CHD5: variants seen among roughly 807,000 people sequenced by gnomAD.
The protein encoded by CHD5 is ATP-dependent chromatin remodeler CHD5.
CHD5 carries 69 observed loss-of-function variants against 230.3 expected under a neutral mutation model. The observed-to-expected ratio is 0.30, with a 90% CI of 0.25 to 0.37. CHD5 has a LOEUF of 0.37. Ranked by LOEUF, CHD5 falls within the 10% of genes least tolerant of loss-of-function variation. The pLI is 1.00. For synonymous variants in CHD5, 1,064 were observed against 1,065.9 expected, an observed-to-expected ratio of 1.00 and a Z score of 0.03; for missense variants, 1,827 against 2,622.8, an observed-to-expected ratio of 0.70 and a Z score of 6.63.
Position 6,125,948 on chromosome 1 carries a change from C to T in CHD5, c.4079-90G>A, listed in dbSNP as rs1453629357. 4 of 899,868 alleles carry T rather than the reference C, an allele frequency of 4.4e-6. No homozygotes were observed. Among genetic ancestry groups the T allele is most frequent in the Non-Finnish European group, 7.2e-6 (4 of 554,138 alleles). The allele number at this position is 899,868 out of a possible 1,614,324, so 55.7% of individuals were successfully genotyped here. The stretch of plus-strand genomic sequence containing the variant: ...AGCATGCCCAGGGCCACGCCGAGCC[C>T]CTGCACCCCAGCTCCATAAAAAAGC... On this transcript the variant is annotated intron_variant, in intron 26 of 41. Coordinates refer to ENST00000262450, the MANE Select transcript of CHD5 (RefSeq NM_015557.3). The surrounding 1 kb of genome is among the most constrained non-coding windows in gnomAD (Gnocchi z 6.7).
In CHD5 at chr1:6,104,230, T is replaced by G. The variant is rs1666121008; in HGVS notation, c.*1244A>C. The G allele has an allele frequency of 6.6e-6, 1 of 152,052 alleles. No individual in the cohort carries two copies. Among genetic ancestry groups the G allele is most frequent in the Non-Finnish European group, 1.5e-5 (1 of 68,044 alleles). 9.4% of individuals were successfully genotyped at this position (152,052 alleles called of 1,614,324 possible). On this transcript the variant is annotated 3_prime_UTR_variant, in exon 42 of 42. Coordinates refer to ENST00000262450, the MANE Select transcript of CHD5 (RefSeq NM_015557.3). The stretch of plus-strand genomic sequence containing the variant: ...AACAACCCACATGTGGGAAGATGGT[T>G]TTGGGATGTCAGGGCGCTCCTGGCA...
Position 6,104,359 on chromosome 1 carries a change from G to A in CHD5, c.*1115C>T, listed in dbSNP as rs1444450257. 1 of 152,400 alleles carries A rather than the reference G, an allele frequency of 6.6e-6. No homozygotes were observed. The highest frequency in any genetic ancestry group is 1.5e-5 in the Non-Finnish European group (1 of 68,204). The allele number at this position is 152,400 out of a possible 1,614,324, so 9.4% of individuals were successfully genotyped here. A position where few individuals can be genotyped will look rare whatever the true frequency, so the allele number is the denominator to read the frequency against. ...AGAACTCTCCCCACGCCTTCCAAGA[G>A]TGCAGCCTCAGGCAAAAAGCCCCCG... On this transcript the variant is annotated 3_prime_UTR_variant, in exon 42 of 42. Coordinates refer to ENST00000262450, the MANE Select transcript of CHD5 (RefSeq NM_015557.3).
intron 33 of CHD5, among the ~76,000 whole-genome samples, chr1:6,115,554 G>C (rs575146252): frequency 6.6e-6 from 1 of 152,310 alleles, no homozygotes; most frequent in African/African-American, 2.4e-5. Context: ...GTTCACCACT[G>C]CTGGCTTGAA....
In CHD5 at chr1:6,159,315, CA is replaced by C; in HGVS notation, c.387+20del. 1 of 1,551,160 alleles carries C rather than the reference CA, an allele frequency of 6.4e-7. No homozygotes were observed. Among genetic ancestry groups the C allele is most frequent in the Non-Finnish European group, 8.7e-7 (1 of 1,146,696 alleles). ...AAAGGGGGATGTCGCTCTGTCCCCC[CA>C]GCCAGGCCTCCACAGTTACCTTTAA... On this transcript the variant is annotated intron_variant, in intron 3 of 41. Coordinates refer to ENST00000262450, the MANE Select transcript of CHD5 (RefSeq NM_015557.3).
chr1:6,142,518 G>A lies in CHD5; in HGVS notation c.2131C>T (p.Leu711=), dbSNP rs1666843961. ...HPYQLEGLNW[L]RFSWAQGTDT... ...GTGCCCTGGGCCCAAGAGAAGCGCA[G>A]CCAGTTGAGGCCCTCCAGCTGGTAC... Residue 711 remains leucine, a synonymous_variant, in exon 14 of 42, where the codon CTG becomes TTG. Coordinates refer to ENST00000262450, the MANE Select transcript of CHD5 (RefSeq NM_015557.3). The surrounding 1 kb of genome is among the most constrained non-coding windows in gnomAD (Gnocchi z 5.2). 6.2e-7 allele frequency: 1 copy of A among 1,614,104 alleles called. No homozygotes were observed. The highest frequency in any genetic ancestry group is 8.5e-7 in the Non-Finnish European group (1 of 1,180,014).
Position 6,105,318 on chromosome 1 carries a change from T to C in CHD5, c.*156A>G, listed in dbSNP as rs1320931629. ...CAGCTGAGCTGGGCCTCGTCCTCCA[T>C]GTGATGGCATTACTAGGTTTCCCTT... On this transcript the variant is annotated 3_prime_UTR_variant, in exon 42 of 42. Transcript: ENST00000262450. The surrounding 1 kb of genome is among the most constrained non-coding windows in gnomAD (Gnocchi z 4.8). 10 of 455,182 alleles carry C rather than the reference T, an allele frequency of 2.2e-5. No individual in the cohort carries two copies. The highest frequency in any genetic ancestry group is 4.1e-5 in the Non-Finnish European group (9 of 220,720). 28.2% of individuals were successfully genotyped at this position (455,182 alleles called of 1,614,324 possible).
At chr1:6,110,839 T>A (rs1666276410) in intron 36 of CHD5, among the ~76,000 whole-genome samples, 1 of 152,218 alleles carries the variant, frequency 6.6e-6, no homozygotes, top group Non-Finnish European at 1.5e-5. Context: ...GGAACCTTTT[T>A]CGGAAATAGA....
intron 33 of CHD5, among the ~76,000 whole-genome samples, chr1:6,113,578 T>C (rs1666328733): frequency 6.6e-6 from 1 of 152,114 alleles, no homozygotes; most frequent in Non-Finnish European, 1.5e-5. Context: ...CCTGGAGAGC[T>C]TGGAACTTGG....
At chr1:6,172,358 AC>A (rs1347280022) in intron 1 of CHD5, among the ~76,000 whole-genome samples, 1 of 152,008 alleles carries the variant, frequency 6.6e-6, no homozygotes, top group Non-Finnish European at 1.5e-5. Context: ...TATTTTAGAG[AC>A]AGAGTCGCTG....
rs182847261 is a variant in CHD5 at position 6,126,088 on chromosome 1, C to T, written c.4079-230G>A. Among the ~76,000 whole-genome samples, 33 of 152,290 alleles carry T rather than the reference C, an allele frequency of 2.2e-4. 1 individual carries two copies. Among genetic ancestry groups the T allele is most frequent in the Admixed American group, 2.0e-3 (30 of 15,312 alleles). ...CATTACACATACTGTGTGCAAGGGA[C>T]GTGCCCAAGGCCACGTCACGAGCAG... On this transcript the variant is annotated intron_variant, in intron 26 of 41. Coordinates refer to ENST00000262450, the MANE Select transcript of CHD5 (RefSeq NM_015557.3). This position sits in a 1 kb window ranked among gnomAD's most constrained non-coding sequence, Gnocchi z 5.7.
chr1:6,136,665 AG>A (rs771807134), intron 16 of CHD5, 27 bp from the exon 17 acceptor site: 24 of 1,612,816 alleles, frequency 1.5e-5, no homozygotes, highest in Non-Finnish European at 1.9e-5. Flanking sequence ...GGGGCCTGTC[AG>A]GGGGCTCTGG....
chr1:6,135,194 G>A (rs568107558), intron 18 of CHD5, 36 bp downstream of exon 18: 93 of 1,612,616 alleles, frequency 5.8e-5, no homozygotes, highest in East Asian at 1.3e-4. Flanking sequence ...GGGAAAGGGC[G>A]AGCACAGGCT....
In CHD5 at chr1:6,121,644, G is replaced by A; in HGVS notation, c.4700-71C>T. 8.9e-7 allele frequency: 1 copy of A among 1,128,346 alleles called. No homozygotes were observed. The highest frequency in any genetic ancestry group is 1.3e-6 in the Non-Finnish European group (1 of 768,590). The allele number at this position is 1,128,346 out of a possible 1,614,324, so 69.9% of individuals were successfully genotyped here. A position where few individuals can be genotyped will look rare whatever the true frequency, so the allele number is the denominator to read the frequency against. ...AAGGAGTAGGGCAGGGAGTGGGGTG[G>A]CAGAGAGGAGAGATGGGGGCTTGGC... On this transcript the variant is annotated intron_variant, in intron 31 of 41. Coordinates refer to ENST00000262450, the MANE Select transcript of CHD5 (RefSeq NM_015557.3). The surrounding 1 kb of genome is among the most constrained non-coding windows in gnomAD (Gnocchi z 4.5).
In CHD5 at chr1:6,121,599, G is replaced by C. The variant is rs746295626; in HGVS notation, c.4700-26C>G. On this transcript the variant is annotated intron_variant, in intron 31 of 41. Transcript: ENST00000262450. This position sits in a 1 kb window ranked among gnomAD's most constrained non-coding sequence, Gnocchi z 4.5. Reference sequence around the variant, plus strand: ...CTGAAAGATCAAGGGAAAGAGCTGAGACAGGTGGGCTCAGACGGGAAGGAG... The same window carrying C: ...CTGAAAGATCAAGGGAAAGAGCTGACACAGGTGGGCTCAGACGGGAAGGAG... 2 of 1,581,434 alleles carry C rather than the reference G, an allele frequency of 1.3e-6. No homozygotes were observed. The highest frequency in any genetic ancestry group is 2.7e-5 in the African/African-American group (2 of 74,310).
At position 6,136,841 on chromosome 1, in the gene CHD5, C is replaced by A; in HGVS notation, c.2461G>T (p.Val821Leu). The A allele has an allele frequency of 6.2e-7, 1 of 1,610,870 alleles. No homozygotes were observed. Among genetic ancestry groups the A allele is most frequent in the Non-Finnish European group, 8.5e-7 (1 of 1,177,828 alleles). The change falls in exon 16 of 42, where the codon GTG (valine) becomes TTG (leucine). Residue 821 changes from valine (V) to leucine (L), a missense_variant. Coordinates refer to ENST00000262450, the MANE Select transcript of CHD5 (RefSeq NM_015557.3). ...MKKEVQIKFHVLLTSYELITI... is the reference protein window; with the variant it reads ...MKKEVQIKFHLLLTSYELITI... ...ATGAGCTCATAGGAGGTGAGCAGCA[C>A]GTGGAATTTGATCTGCACTTCTTTC... is the stretch of plus-strand genomic sequence containing the variant.
intron 1 of CHD5, 79 bp downstream of exon 1, chr1:6,179,866 C>T: frequency 1.7e-6 from 1 of 581,984 alleles, no homozygotes; most frequent in Non-Finnish European, 1.9e-6. Context: ...CCGCCCCCGC[C>T]GCCCGCGCTC....
rs773109721 is a variant in CHD5 at position 6,134,084 on chromosome 1, T to C, written c.3144+44A>G. The C allele has an allele frequency of 4.1e-5, 62 of 1,513,306 alleles. 1 individual carries two copies. The highest frequency in any genetic ancestry group is 1.2e-4 in the Admixed American group (7 of 57,904). The allele number at this position is 1,513,306 out of a possible 1,614,324, so 93.7% of individuals were successfully genotyped here. On this transcript the variant is annotated intron_variant, in intron 20 of 41. Transcript: ENST00000262450. This position sits in a 1 kb window ranked among gnomAD's most constrained non-coding sequence, Gnocchi z 6.3. ...CCAAGCATCAGGGCAGGATGCTCTC[T>C]GTGGGGTGTGGAGCCGGGGCGGGGG...
At chr1:6,156,965 A>G (rs1667089808) in intron 3 of CHD5, among the ~76,000 whole-genome samples, 1 of 152,242 alleles carries the variant, frequency 6.6e-6, no homozygotes, top group African/African-American at 2.4e-5. Context: ...TAAGTTACTT[A>G]ACTTTCCTGC....
intron 3 of CHD5, among the ~76,000 whole-genome samples, chr1:6,158,994 G>A (rs1271385052): frequency 3.7e-5 from 4 of 107,942 alleles, no homozygotes; most frequent in Non-Finnish European, 7.0e-5. Flanking sequence ...GCGACAGAGC[G>A]AGACTCCGTC....
Sources: allele counts gnomAD v4.1 joint callset (sites outside exome capture counted in the v4.1 genomes callset), GRCh38; gene constraint gnomAD v4.1.1; non-coding constraint Gnocchi (gnomAD v3.1); transcripts MANE v1.5; gene names NCBI Gene and HGNC (gene_info 2026-07-23, HGNC 2026-07-21).